The following CERS1 variants were observed in gnomAD, a reference collection of about 807,000 sequenced individuals.
CERS1 encodes ceramide synthase 1.
CERS1 carries 16 observed loss-of-function variants against 35.7 expected under a neutral mutation model. The observed-to-expected ratio is 0.45, with a 90% CI of 0.30 to 0.68. CERS1 has a LOEUF of 0.68. Among genes scored for constraint, CERS1 ranks in the 30% least tolerant of loss-of-function variants. CERS1 has a pLI of 0.08. For missense variants in CERS1, 454 were observed against 453.9 expected (o/e 1.00, Z 0.00); for synonymous variants, 243 against 201.6 (o/e 1.21, Z -1.74).
intron 2 of CERS1, 102 bp from the exon 3 acceptor site, chr19:18,884,369 C>T (rs994425489): frequency 9.2e-7 from 1 of 1,088,158 alleles, no homozygotes; most frequent in Non-Finnish European, 1.3e-6. Context: ...CCTCCCAGTA[C>T]CCAGGTAACC....
rs200024180 is a variant in CERS1 at position 18,884,128 on chromosome 19, G to A, written c.549C>T (p.His183=). The A allele has an allele frequency of 4.3e-5, 69 of 1,613,558 alleles. No homozygotes were observed. The highest frequency in any genetic ancestry group is 3.3e-4 in the Middle Eastern group (2 of 6,062). ...AGACGATGAGGATGAGAGTGACCAC[G>A]TGGTGGAGCAGCATGACCACCGAGT... is the stretch of plus-strand genomic sequence containing the variant. ...RKDSVVMLLH[H]VVTLILIVSS... is the part of the protein sequence containing the mutation. Residue 183 remains histidine (H), a synonymous_variant, in exon 3 of 8, where the codon CAC becomes CAT. Coordinates refer to ENST00000623882, the MANE Select transcript of CERS1 (RefSeq NM_021267.5).
In CERS1 at chr19:18,896,103, T is replaced by TGCGC; in HGVS notation, c.-35_-32dup. 1 of 872,886 alleles carries TGCGC rather than the reference T, an allele frequency of 1.1e-6. No homozygotes were observed. Among genetic ancestry groups the TGCGC allele is most frequent in the Non-Finnish European group, 1.4e-6 (1 of 730,666 alleles). 54.1% of individuals were successfully genotyped at this position (872,886 alleles called of 1,614,324 possible). A position where few individuals can be genotyped will look rare whatever the true frequency, so the allele number is the denominator to read the frequency against. On this transcript the variant is annotated 5_prime_UTR_variant, in exon 1 of 8. Coordinates refer to ENST00000623882, the MANE Select transcript of CERS1 (RefSeq NM_021267.5). This position sits in a 1 kb window ranked among gnomAD's most constrained non-coding sequence, Gnocchi z 5.9. Reference sequence around the variant, plus strand: ...CCGCTCGCCCGCCGTGCCCGTCGCCTGCGCCCGCCCGCGGTAGCCGACGGA... The same window carrying TGCGC: ...CCGCTCGCCCGCCGTGCCCGTCGCCTGCGCGCGCCCGCCCGCGGTAGCCGACGGA...
At chr19:18,884,030 C>T in intron 3 of CERS1, 57 bp downstream of exon 3, 1 of 1,559,456 alleles carries the variant, frequency 6.4e-7, no homozygotes, top group Non-Finnish European at 8.7e-7. Context: ...GCAACATCAG[C>T]CTCCGCACTC....
intron 2 of CERS1, among the ~76,000 whole-genome samples, chr19:18,885,511 GTTTTTTTT>G (rs59793456): frequency 4.1e-4 from 9 of 22,120 alleles, no homozygotes; most frequent in Non-Finnish European, 1.2e-4. Context: ...GCCCCTTCTC[GTTTTTTTT>G]TTTTTTTTTT....
intron 2 of CERS1, 25 bp from the exon 3 acceptor site, chr19:18,884,292 C>A: frequency 6.3e-7 from 1 of 1,593,514 alleles, no homozygotes; most frequent in South Asian, 1.1e-5. Context: ...ATCTCACAGT[C>A]AGGGCCCTGC....
rs1038592004 is a variant in CERS1 at position 18,893,567 on chromosome 19, C to T, written c.258G>A (p.Ala86=). 26 of 1,608,060 alleles carry T rather than the reference C, an allele frequency of 1.6e-5. No individual in the cohort carries two copies. In the African/African-American group the frequency reaches 2.0e-4, roughly 12 times the overall value. The change falls in exon 2 of 8, where the codon GCG becomes GCA. Residue 86 remains alanine, a synonymous_variant. Transcript: ENST00000623882. ...CTCTGGGCTGGAGGCAGCACCGCTT[C>T]GCCAGGGGCTATGGGGGAGAAGACA... ...AATARLFRPL[A]KRCCLQPRDA...
chr19:18,870,637 C>A lies in CERS1; in HGVS notation c.1011-18G>T, dbSNP rs1276077638. ...GTGGCTTCCTGGGGGTCAGAACCGGCGCAGGTTAGCCTGGGAGCCCCACGC... is the reference window on the plus strand; with the variant it reads ...GTGGCTTCCTGGGGGTCAGAACCGGAGCAGGTTAGCCTGGGAGCCCCACGC... On this transcript the variant is annotated intron_variant, in intron 6 of 7. Coordinates refer to ENST00000623882, the MANE Select transcript of CERS1 (RefSeq NM_021267.5). This position sits in a 1 kb window ranked among gnomAD's most constrained non-coding sequence, Gnocchi z 5.1. 5 of 552,026 alleles carry A rather than the reference C, an allele frequency of 9.1e-6. No individual in the cohort carries two copies. The African/African-American group carries it at 9.9e-5, about 11-fold the overall frequency. The allele number at this position is 552,026 out of a possible 1,614,324, so 34.2% of individuals were successfully genotyped here.
In CERS1 at chr19:18,878,968, G is replaced by C; in HGVS notation, c.972C>G (p.Asp324Glu). 1 of 1,613,814 alleles carries C rather than the reference G, an allele frequency of 6.2e-7. No homozygotes were observed. The highest frequency in any genetic ancestry group is 8.5e-7 in the Non-Finnish European group (1 of 1,179,846). ...VHELKDLREYDTAEAQSLKPS... is the reference protein window; with the variant it reads ...VHELKDLREYETAEAQSLKPS... ...GCTTCAGGCTCTGGGCCTCGGCTGTGTCATACTCCCGCAGGTCCTTCAGCT... is the reference window on the plus strand; with the variant it reads ...GCTTCAGGCTCTGGGCCTCGGCTGTCTCATACTCCCGCAGGTCCTTCAGCT... Residue 324 changes from aspartate to glutamate, a missense_variant, in exon 6 of 8, where the codon GAC (aspartate) becomes GAG (glutamate). Asp to Glu is a conservative substitution (Grantham distance 45, BLOSUM62 2). Transcript: ENST00000623882. This position sits in a 1 kb window ranked among gnomAD's most constrained non-coding sequence, Gnocchi z 4.6.
At chr19:18,885,699 T>C (rs1236921147) in intron 2 of CERS1, among the ~76,000 whole-genome samples, 1 of 151,188 alleles carries the variant, frequency 6.6e-6, no homozygotes, top group East Asian at 1.9e-4. Flanking sequence ...TTTTTTTTTT[T>C]CAGTAGAGAC....
chr19:18,868,694 C>T lies in CERS1; in HGVS notation c.*1291G>A, dbSNP rs1446194780. 4.5e-6 allele frequency: 7 copies of T among 1,557,398 alleles called. No individual in the cohort carries two copies. The highest frequency in any genetic ancestry group is 1.9e-5 in the Admixed American group (1 of 52,282). ...GAAGAGCACGGAGATGGGCGACAGGCGCGCGGGCACGCAGCAGGGCAGGTC... is the reference window on the plus strand; with the variant it reads ...GAAGAGCACGGAGATGGGCGACAGGTGCGCGGGCACGCAGCAGGGCAGGTC... On this transcript the variant is annotated 3_prime_UTR_variant, in exon 8 of 8. Coordinates refer to ENST00000623882, the MANE Select transcript of CERS1 (RefSeq NM_021267.5).
intron 2 of CERS1, among the ~76,000 whole-genome samples, chr19:18,890,394 C>T (rs995756734): frequency 1.3e-5 from 2 of 152,222 alleles, no homozygotes; most frequent in African/African-American, 4.8e-5. Context: ...TTCTCTGACC[C>T]GTTACTAGCT....
chr19:18,869,446 G>C lies in CERS1; in HGVS notation c.*595-56C>G, dbSNP rs1023239483. 8.6e-6 allele frequency: 13 copies of C among 1,515,080 alleles called. No individual in the cohort carries two copies. In the African/African-American group the frequency reaches 9.8e-5, roughly 11 times the overall value. The allele number at this position is 1,515,080 out of a possible 1,614,324, so 93.9% of individuals were successfully genotyped here. The stretch of plus-strand genomic sequence containing the variant: ...CGCTGCGTCCCCGGCCTGCCCATGG[G>C]GTCTCGGTTAGGGACAGGGAGGAAG... On this transcript the variant is annotated intron_variant, in intron 7 of 7. Transcript: ENST00000623882.
chr19:18,869,242 G>GGCT lies in CERS1; in HGVS notation c.*740_*742dup. ...CGCTCAGCTCCCAGCCGCCCTCCGG[G>GGCT]GCTGCCGCCGCCGCCGCCGCGAAAC... is the stretch of plus-strand genomic sequence containing the variant. On this transcript the variant is annotated 3_prime_UTR_variant, in exon 8 of 8. Transcript: ENST00000623882. 2.8e-6 allele frequency: 4 copies of GGCT among 1,420,244 alleles called. No homozygotes were observed. The highest frequency in any genetic ancestry group is 2.7e-6 in the Non-Finnish European group (3 of 1,096,028). 88.0% of individuals were successfully genotyped at this position (1,420,244 alleles called of 1,614,324 possible). A position where few individuals can be genotyped will look rare whatever the true frequency, so the allele number is the denominator to read the frequency against.
Position 18,870,180 on chromosome 19 carries a change from A to G in CERS1, c.*397T>C, listed in dbSNP as rs758524812. On this transcript the variant is annotated 3_prime_UTR_variant, in exon 7 of 8. Coordinates refer to ENST00000623882, the MANE Select transcript of CERS1 (RefSeq NM_021267.5). The surrounding 1 kb of genome is among the most constrained non-coding windows in gnomAD (Gnocchi z 5.1). ...ACCCTGGGGCTCATCGCGCAGTCCT[A>G]GAGCCTGGAGCAGGGCGGCGGCTGG... 3.8e-6 allele frequency: 6 copies of G among 1,566,518 alleles called. No individual in the cohort carries two copies. In the South Asian group the frequency reaches 7.0e-5, roughly 18 times the overall value.
intron 3 of CERS1, among the ~76,000 whole-genome samples, chr19:18,881,219 T>A (rs61639177): frequency 0.29 from 44,124 of 149,808 alleles, 8,049 homozygotes; most frequent in Middle Eastern, 0.48. Context: ...TTTTTTTTTT[T>A]AATTTTTTTT....
In CERS1 at chr19:18,878,085, G is replaced by C. The variant is rs1358921739; in HGVS notation, c.1010+845C>G. The stretch of plus-strand genomic sequence containing the variant: ...GTTCCAAAAAACGTCACGGAGCTCT[G>C]AGCCACTGCTTCCCTGAAACCATCG... On this transcript the variant is annotated intron_variant, in intron 6 of 7. Transcript: ENST00000623882. This position sits in a 1 kb window ranked among gnomAD's most constrained non-coding sequence, Gnocchi z 4.6. The C allele has an allele frequency of 1.0e-6, 1 of 985,390 alleles. No homozygotes were observed. The highest frequency in any genetic ancestry group is 1.7e-5 in the African/African-American group (1 of 57,196). The allele number at this position is 985,390 out of a possible 1,614,324, so 61.0% of individuals were successfully genotyped here. A position where few individuals can be genotyped will look rare whatever the true frequency, so the allele number is the denominator to read the frequency against.
intron 1 of CERS1, 51 bp from the exon 2 acceptor site, chr19:18,893,626 T>G (rs2056552391): frequency 6.4e-7 from 1 of 1,554,422 alleles, no homozygotes; most frequent in African/African-American, 1.4e-5. Flanking sequence ...GGCCAGAGAC[T>G]GCTCCTTTGG....
intron 6 of CERS1, among the ~76,000 whole-genome samples, chr19:18,874,707 C>G (rs2056031252): frequency 6.6e-6 from 1 of 152,166 alleles, no homozygotes; most frequent in Non-Finnish European, 1.5e-5. Flanking sequence ...GAGAAGGGTA[C>G]TGGCTACCCA....
intron 6 of CERS1, among the ~76,000 whole-genome samples, chr19:18,874,562 G>A (rs977364611): frequency 4.6e-5 from 7 of 152,258 alleles, no homozygotes; most frequent in Admixed American, 1.3e-4. Context: ...CAGATCCAGA[G>A]AGAGGTGAGA....
Sources: gnomAD v4.1 joint callset for allele counts (sites outside exome capture counted in the v4.1 genomes callset) on GRCh38, gnomAD v4.1.1 for gene constraint, Gnocchi (gnomAD v3.1) non-coding constraint, MANE v1.5 for transcripts, NCBI Gene and HGNC (gene_info 2026-07-23, HGNC 2026-07-21) for gene names.